FNDC3A: variants seen among roughly 807,000 people sequenced by gnomAD.
FNDC3A encodes the protein fibronectin type-III domain-containing protein 3A.
A neutral mutation model predicts 148.9 loss-of-function variants in FNDC3A; 32 were observed. That is an observed-to-expected ratio of 0.21 (90% CI 0.16 to 0.29). FNDC3A has a LOEUF of 0.29. Ranked by LOEUF, FNDC3A falls within the 10% of genes least tolerant of loss-of-function variation. FNDC3A has a pLI of 1.00. For synonymous variants in FNDC3A, 472 were observed against 473.6 expected (o/e 1.00, Z 0.04); for missense variants, 1,191 against 1,452.8 (o/e 0.82, Z 2.93).
intron 2 of FNDC3A, among the ~76,000 whole-genome samples, chr13:49,010,690 A>G (rs1229953024): frequency 3.3e-5 from 5 of 152,204 alleles, no homozygotes; most frequent in South Asian, 2.1e-4. Flanking sequence ...TACAAGCCAC[A>G]CTAAGAGATA....
At chr13:49,193,095 A>G (rs1885969258) in intron 19 of FNDC3A, among the ~76,000 whole-genome samples, 1 of 152,188 alleles carries the variant, frequency 6.6e-6, no homozygotes, top group Non-Finnish European at 1.5e-5. Flanking sequence ...TCTTATAAAT[A>G]GTTGTGCTAA....
intron 1 of FNDC3A, among the ~76,000 whole-genome samples, chr13:48,978,012 G>T (rs1278990201): frequency 2.0e-5 from 3 of 151,628 alleles, no homozygotes; most frequent in Admixed American, 2.0e-4. Context: ...TAAAATCCTG[G>T]TTAACACTGT....
chr13:49,142,141 G>A (rs543351611), intron 7 of FNDC3A, among the ~76,000 whole-genome samples: 9 of 152,166 alleles, frequency 5.9e-5, no homozygotes, highest in East Asian at 3.9e-4. Context: ...CTATATTTTC[G>A]ATCCTAATTA....
intron 2 of FNDC3A, among the ~76,000 whole-genome samples, chr13:49,028,913 A>G (rs897529132): frequency 6.6e-6 from 1 of 152,252 alleles, no homozygotes; most frequent in Non-Finnish European, 1.5e-5. Flanking sequence ...ATTTTCAAGT[A>G]TACATGGATC....
intron 2 of FNDC3A, among the ~76,000 whole-genome samples, chr13:49,028,467 T>A (rs1191553718): frequency 6.6e-6 from 1 of 151,894 alleles, no homozygotes; most frequent in Non-Finnish European, 1.5e-5. Flanking sequence ...CTCAAACTCC[T>A]GACTTCAAGT....
intron 1 of FNDC3A, among the ~76,000 whole-genome samples, chr13:49,001,888 A>G (rs955432175): frequency 1.3e-5 from 2 of 151,894 alleles, no homozygotes; most frequent in Admixed American, 6.6e-5. Flanking sequence ...GTGATATCTT[A>G]TTACCTTGTG....
At chr13:49,139,420 A>T (rs1365992887) in intron 7 of FNDC3A, among the ~76,000 whole-genome samples, 1 of 152,220 alleles carries the variant, frequency 6.6e-6, no homozygotes, top group Non-Finnish European at 1.5e-5. Flanking sequence ...CAACTCTCAG[A>T]AACATCCATG....
chr13:49,124,769 A>G (rs1012765932), intron 4 of FNDC3A, among the ~76,000 whole-genome samples: 6 of 152,238 alleles, frequency 3.9e-5, no homozygotes, highest in Non-Finnish European at 7.3e-5. Flanking sequence ...ATAGAACTAT[A>G]AAACTTAAAT....
At chr13:49,166,756 A>G (rs1209117888) in intron 8 of FNDC3A, among the ~76,000 whole-genome samples, 2 of 152,130 alleles carry the variant, frequency 1.3e-5, no homozygotes, top group African/African-American at 2.4e-5. Flanking sequence ...CTTGTTTTAC[A>G]TGTTTCCAGT....
intron 1 of FNDC3A, among the ~76,000 whole-genome samples, chr13:48,992,292 G>A (rs1951937042): frequency 6.6e-6 from 1 of 152,054 alleles, no homozygotes; most frequent in South Asian, 2.1e-4. Flanking sequence ...ATGACAAATC[G>A]ATAAATTGTA....
At chr13:49,007,534 AT>A (rs889970986) in intron 2 of FNDC3A, among the ~76,000 whole-genome samples, 5 of 152,178 alleles carry the variant, frequency 3.3e-5, no homozygotes, top group African/African-American at 1.2e-4. Context: ...AATCTAATGT[AT>A]AAAAGAATCT....
At chr13:49,074,753 C>T (rs962884416) in intron 2 of FNDC3A, among the ~76,000 whole-genome samples, 1 of 152,052 alleles carries the variant, frequency 6.6e-6, no homozygotes, top group African/African-American at 2.4e-5. Context: ...GATAGCAGGA[C>T]TTTAGTTTTT....
chr13:49,045,789 CCTTT>C, intron 2 of FNDC3A: 3 of 251,986 alleles, frequency 1.2e-5, no homozygotes, highest in South Asian at 7.3e-5. Flanking sequence ...TAATGACAGT[CCTTT>C]TTTTTTTTTT....
intron 2 of FNDC3A, among the ~76,000 whole-genome samples, chr13:49,073,859 C>A (rs907080864): frequency 7.0e-6 from 1 of 142,270 alleles, no homozygotes; most frequent in Non-Finnish European, 1.5e-5. Flanking sequence ...TATACACACA[C>A]ACATACATAT....
chr13:49,079,077 G>T (rs1182612969), intron 3 of FNDC3A, among the ~76,000 whole-genome samples: 1 of 152,180 alleles, frequency 6.6e-6, no homozygotes, highest in Non-Finnish European at 1.5e-5. Flanking sequence ...GAGAATCACA[G>T]AGAACTTTAG....
Position 48,985,394 on chromosome 13 carries a change from A to G in FNDC3A, c.-40+9217A>G, listed in dbSNP as rs534467413. ...CTCCTGAGCCAGAAGTTTTATTTCT[A>G]TATGTCTGTAATATAGAAATGCTAT... is the stretch of plus-strand genomic sequence containing the variant. On this transcript the variant is annotated intron_variant, in intron 1 of 25. Transcript: ENST00000492622. 3.6e-3 allele frequency among the ~76,000 whole-genome samples: 550 copies of G among 152,336 alleles called. 5 individuals carry two copies. Among genetic ancestry groups the G allele is most frequent in the Non-Finnish European group, 5.0e-3 (343 of 68,024 alleles).
chr13:49,103,126 G>C (rs978067958), intron 3 of FNDC3A, among the ~76,000 whole-genome samples: 1 of 152,160 alleles, frequency 6.6e-6, no homozygotes, highest in Non-Finnish European at 1.5e-5. Context: ...ATTATTTCCA[G>C]TTTACATGTG....
At chr13:49,061,155 G>T (rs565024933) in intron 2 of FNDC3A, among the ~76,000 whole-genome samples, 1 of 151,828 alleles carries the variant, frequency 6.6e-6, no homozygotes, top group African/African-American at 2.4e-5. Context: ...TGTCACTCAG[G>T]CTGGAGTGCA....
At chr13:49,109,296 T>C (rs182967844) in intron 3 of FNDC3A, among the ~76,000 whole-genome samples, 1 of 152,344 alleles carries the variant, frequency 6.6e-6, no homozygotes, top group Admixed American at 6.5e-5. Context: ...TTTAATTTCA[T>C]TCTCACAACA....
Sources: allele counts gnomAD v4.1 joint callset (sites outside exome capture counted in the v4.1 genomes callset), GRCh38; gene constraint gnomAD v4.1.1; transcripts MANE v1.5; gene names NCBI Gene and HGNC (gene_info 2026-07-23, HGNC 2026-07-21).